Variants in MDM2 observed in about 807,000 individuals in gnomAD.
MDM2 encodes the protein E3 ubiquitin-protein ligase Mdm2.
In MDM2, 11 loss-of-function variants were observed where a neutral mutation model predicts 64.3. The observed-to-expected ratio is 0.17, with a 90% CI of 0.11 to 0.28. The LOEUF (loss-of-function observed/expected upper bound fraction) is 0.28. MDM2 is among the 10% of genes least tolerant of loss of function. MDM2 has a pLI of 1.00. For synonymous variants in MDM2, 194 were observed against 192.9 expected, an observed-to-expected ratio of 1.01 and a Z score of -0.05; for missense variants, 388 against 577.1, an observed-to-expected ratio of 0.67 and a Z score of 3.36.
intron 8 of MDM2, among the ~76,000 whole-genome samples, chr12:68,831,914 A>G (rs1480818597): frequency 6.6e-6 from 1 of 152,136 alleles, no homozygotes; most frequent in Non-Finnish European, 1.5e-5. Context: ...TACTAAAAAT[A>G]CCAAAAATTA....
At chr12:68,820,468 T>C in intron 5 of MDM2, 94 bp downstream of exon 5, 2 of 981,572 alleles carry the variant, frequency 2.0e-6, no homozygotes, top group Non-Finnish European at 3.1e-6. Flanking sequence ...GTGATTCTCT[T>C]TAAAAGTTGC....
chr12:68,818,233 G>A (rs1030740961), intron 4 of MDM2, among the ~76,000 whole-genome samples: 10 of 152,086 alleles, frequency 6.6e-5, no homozygotes, highest in Non-Finnish European at 1.5e-4. Flanking sequence ...ATGCTCAATA[G>A]TATAGCTGAA....
In MDM2 at chr12:68,844,295, C is replaced by T. The variant is rs1047283; in HGVS notation, c.*4446C>T. The stretch of plus-strand genomic sequence containing the variant: ...CACAAGTCTGAATGTGTTTCTTTTT[C>T]TGGAATGGCCATGCCTGCCCACTTT... On this transcript the variant is annotated 3_prime_UTR_variant, in exon 11 of 11. Transcript: ENST00000258149. 7.9e-3 allele frequency: 1,736 copies of T among 221,034 alleles called. 30 individuals carry two copies. The highest frequency in any genetic ancestry group is 0.035 in the African/African-American group (1,572 of 44,770). 13.7% of individuals were successfully genotyped at this position (221,034 alleles called of 1,614,324 possible).
chr12:68,847,183 ATGTG>A (rs1429852956), downstream of MDM2: 1 of 60,156 alleles, frequency 1.7e-5, no homozygotes, highest in African/African-American at 9.8e-5. Context: ...TTATGTATGT[ATGTG>A]TGTGTACATT....
At chr12:68,835,521 C>T (rs1883231569) in intron 8 of MDM2, among the ~76,000 whole-genome samples, 1 of 152,206 alleles carries the variant, frequency 6.6e-6, no homozygotes, top group Non-Finnish European at 1.5e-5. Flanking sequence ...GGTGTTTTTC[C>T]TTTATGCAGT....
intron 5 of MDM2, among the ~76,000 whole-genome samples, chr12:68,822,705 A>G (rs966962017): frequency 1.3e-5 from 2 of 151,314 alleles, no homozygotes; most frequent in Admixed American, 6.6e-5. Flanking sequence ...TATCAGTAGA[A>G]TTAACTTCAG....
chr12:68,824,496 A>C, intron 6 of MDM2, 59 bp from the exon 7 acceptor site: 1 of 1,592,428 alleles, frequency 6.3e-7, no homozygotes, highest in Non-Finnish European at 8.6e-7. Context: ...TATTTACAAC[A>C]AGTTAGCTTA....
At chr12:68,810,069 T>C (rs1346420370) in intron 2 of MDM2, among the ~76,000 whole-genome samples, 1 of 152,166 alleles carries the variant, frequency 6.6e-6, no homozygotes, top group Non-Finnish European at 1.5e-5. Flanking sequence ...CCCATCACTT[T>C]GGGAGGCCAA....
intron 10 of MDM2, among the ~76,000 whole-genome samples, chr12:68,837,357 A>G (rs888242554): frequency 4.0e-5 from 6 of 151,326 alleles, no homozygotes; most frequent in African/African-American, 1.2e-4. Context: ...TGTCAAACGT[A>G]AACTTTTTTT....
intron 3 of MDM2, among the ~76,000 whole-genome samples, chr12:68,815,251 G>A (rs1292259803): frequency 2.6e-5 from 4 of 152,132 alleles, no homozygotes; most frequent in Non-Finnish European, 5.9e-5. Context: ...ATTGGCCAAG[G>A]CCATCATAAA....
chr12:68,831,159 A>G (rs1882761547), intron 8 of MDM2, among the ~76,000 whole-genome samples: 1 of 152,186 alleles, frequency 6.6e-6, no homozygotes, highest in African/African-American at 2.4e-5. Flanking sequence ...GTTGAATTAG[A>G]TAAAACGACA....
intron 4 of MDM2, among the ~76,000 whole-genome samples, chr12:68,819,963 A>G (rs1178642445): frequency 6.6e-6 from 1 of 152,220 alleles, no homozygotes; most frequent in African/African-American, 2.4e-5. Context: ...TTTGCTACTA[A>G]GCACAGAGCT....
At chr12:68,814,414 G>A (rs1233743753) in intron 3 of MDM2, among the ~76,000 whole-genome samples, 1 of 152,218 alleles carries the variant, frequency 6.6e-6, no homozygotes, top group African/African-American at 2.4e-5. Flanking sequence ...TTTGCCATAA[G>A]TACAGTATGA....
intron 8 of MDM2, among the ~76,000 whole-genome samples, chr12:68,833,149 A>AAATATATATATAT (rs1555187768): frequency 2.3e-4 from 15 of 65,966 alleles, no homozygotes; most frequent in African/African-American, 9.2e-4. Flanking sequence ...AAAAAAAAAA[A>AAATATATATATAT]ATATATATAT....
intron 4 of MDM2, 125 bp from the exon 5 acceptor site, chr12:68,820,200 G>A (rs2136128003): frequency 8.2e-6 from 5 of 608,398 alleles, no homozygotes; most frequent in Non-Finnish European, 1.4e-5. Context: ...TGATAAATTT[G>A]GTTTTGAATG....
rs1279806428 is a variant in MDM2 at position 68,843,557 on chromosome 12, A to G, written c.*3708A>G. The G allele has an allele frequency of 8.8e-6, 2 of 226,914 alleles. No individual in the cohort carries two copies. The highest frequency in any genetic ancestry group is 4.5e-5 in the African/African-American group (2 of 44,928). The allele number at this position is 226,914 out of a possible 1,614,324, so 14.1% of individuals were successfully genotyped here. On this transcript the variant is annotated 3_prime_UTR_variant, in exon 11 of 11. Coordinates refer to ENST00000258149, the MANE Select transcript of MDM2 (RefSeq NM_002392.6). ...CTTAAGCAAAACAGTGAAAATAACCATCTTGATTTAGTGTTTTTCTCCCAT... is the reference window on the plus strand; with the variant it reads ...CTTAAGCAAAACAGTGAAAATAACCGTCTTGATTTAGTGTTTTTCTCCCAT...
chr12:68,810,258 C>G (rs1316714261), intron 2 of MDM2, among the ~76,000 whole-genome samples: 2 of 150,340 alleles, frequency 1.3e-5, no homozygotes, highest in Admixed American at 6.6e-5. Context: ...TGCGGTGAGC[C>G]AAGATTGCGC....
intron 7 of MDM2, among the ~76,000 whole-genome samples, chr12:68,826,337 A>C (rs1882316393): frequency 6.6e-6 from 1 of 152,124 alleles, no homozygotes; most frequent in East Asian, 1.9e-4. Context: ...AAAATTGATT[A>C]AATTTTTCGG....
At chr12:68,812,496 A>G (rs1378789656) in intron 2 of MDM2, among the ~76,000 whole-genome samples, 1 of 152,258 alleles carries the variant, frequency 6.6e-6, no homozygotes, top group Non-Finnish European at 1.5e-5. Context: ...ATAGTATATT[A>G]CATTCCCCTC....
Sources: gnomAD v4.1 joint callset for allele counts (sites outside exome capture counted in the v4.1 genomes callset) on GRCh38, gnomAD v4.1.1 for gene constraint, MANE v1.5 for transcripts, NCBI Gene and HGNC (gene_info 2026-07-23, HGNC 2026-07-21) for gene names.